GLI2: variants seen among roughly 807,000 people sequenced by gnomAD.
The protein encoded by GLI2 is transcription activator GLI2.
Under a neutral mutation model 78.9 loss-of-function variants are expected in GLI2, and 22 were observed. That is an observed-to-expected ratio of 0.28 (90% CI 0.20 to 0.40). The LOEUF (loss-of-function observed/expected upper bound fraction) is 0.40. GLI2 is among the 10% of genes least tolerant of loss of function. The pLI is 1.00. For synonymous variants in GLI2, 974 were observed against 963.7 expected (o/e 1.01, Z -0.20); for missense variants, 2,097 against 2,213.2 (o/e 0.95, Z 1.05).
Position 120,988,666 on chromosome 2 carries a change from G to T in GLI2, c.2701G>T (p.Ala901Ser). 5 of 1,387,840 alleles carry T rather than the reference G, an allele frequency of 3.6e-6. No individual in the cohort carries two copies. In the African/African-American group the frequency reaches 4.6e-5, roughly 13 times the overall value. The allele number at this position is 1,387,840 out of a possible 1,614,324, so 86.0% of individuals were successfully genotyped here. A position where few individuals can be genotyped will look rare whatever the true frequency, so the allele number is the denominator to read the frequency against. Reference sequence around the variant, plus strand: ...GCGCATGAGCCTGCGGACCAGGCTGGCGCTGCTGGACGCGCCCGAGCGCAC... The same window carrying T: ...GCGCATGAGCCTGCGGACCAGGCTGTCGCTGCTGGACGCGCCCGAGCGCAC... ...LERMSLRTRL[A>S]LLDAPERTLP... is the part of the protein sequence containing the mutation. The change falls in exon 14 of 14, where the codon GCG (alanine) becomes TCG (serine). Residue 901 changes from alanine to serine, a missense_variant. By Grantham distance (99) the Ala-to-Ser change is moderately conservative. Coordinates refer to ENST00000361492, the MANE Select transcript of GLI2 (RefSeq NM_001374353.1).
At position 120,737,189 on chromosome 2, in the gene GLI2, C is replaced by CG. The variant is rs1682391912; in HGVS notation, c.-31+909dup. On this transcript the variant is annotated intron_variant, in intron 1 of 13. Transcript: ENST00000361492. This position sits in a 1 kb window ranked among gnomAD's most constrained non-coding sequence, Gnocchi z 4.3. ...AGGGGAGTCTTTTCCCCGGACGGGGCGGGGGCGGGGAGCTGGGAGGGAGCG... is the reference window on the plus strand; with the variant it reads ...AGGGGAGTCTTTTCCCCGGACGGGGCGGGGGGCGGGGAGCTGGGAGGGAGCG... 6.6e-6 allele frequency among the ~76,000 whole-genome samples: 1 copy of CG among 151,800 alleles called. No homozygotes were observed. The highest frequency in any genetic ancestry group is 1.5e-5 in the Non-Finnish European group (1 of 67,894).
intron 1 of GLI2, among the ~76,000 whole-genome samples, chr2:120,746,404 GC>G (rs1682695116): frequency 6.6e-6 from 1 of 152,160 alleles, no homozygotes; most frequent in Non-Finnish European, 1.5e-5. Flanking sequence ...AAGCTGCCCA[GC>G]CACCTGCCCA....
chr2:120,984,246 C>G (rs112484389), intron 11 of GLI2, among the ~76,000 whole-genome samples: 5 of 152,136 alleles, frequency 3.3e-5, no homozygotes, highest in Non-Finnish European at 2.9e-5. Flanking sequence ...CCCCCGTGGC[C>G]GTGTGCTTAA....
At chr2:120,805,180 C>T (rs1254658787) in intron 2 of GLI2, among the ~76,000 whole-genome samples, 1 of 152,258 alleles carries the variant, frequency 6.6e-6, no homozygotes, top group African/African-American at 2.4e-5. Context: ...AGCCTGGCCG[C>T]CCCATTTCCC....
chr2:120,940,998 C>T (rs1290475144), intron 3 of GLI2, among the ~76,000 whole-genome samples: 1 of 152,244 alleles, frequency 6.6e-6, no homozygotes, highest in African/African-American at 2.4e-5. Context: ...ACCCCCAGCT[C>T]CCCACCATCA....
At chr2:120,797,546 C>A (rs138803676) in intron 2 of GLI2, 78 bp downstream of exon 2, 2 of 1,394,684 alleles carry the variant, frequency 1.4e-6, no homozygotes, top group South Asian at 1.2e-5. Context: ...AGAGTGGTGG[C>A]CCATGTCGTC....
intron 2 of GLI2, among the ~76,000 whole-genome samples, chr2:120,896,933 A>G (rs1187857664): frequency 1.3e-5 from 2 of 152,238 alleles, no homozygotes; most frequent in Non-Finnish European, 2.9e-5. Flanking sequence ...GGGGAAAGAA[A>G]AAAAGGGGAT....
At chr2:120,847,855 C>T (rs900081149) in intron 2 of GLI2, among the ~76,000 whole-genome samples, 4 of 152,168 alleles carry the variant, frequency 2.6e-5, no homozygotes, top group Non-Finnish European at 5.9e-5. Context: ...AGCTGGATCC[C>T]TGCCAGCCCT....
intron 1 of GLI2, among the ~76,000 whole-genome samples, chr2:120,739,398 G>A (rs969398674): frequency 6.6e-5 from 10 of 152,232 alleles, no homozygotes; most frequent in African/African-American, 2.4e-4. Flanking sequence ...CTCACACCCA[G>A]CTGGCTTGTT....
At chr2:120,856,893 G>A (rs13025517) in intron 2 of GLI2, among the ~76,000 whole-genome samples, 90,878 of 151,864 alleles carry the variant, frequency 0.6, 28,252 homozygotes, top group East Asian at 0.76. Flanking sequence ...CCTGGAGGGA[G>A]TAGCCCTCTC....
intron 3 of GLI2, among the ~76,000 whole-genome samples, chr2:120,929,720 G>A (rs1044654840): frequency 7.2e-5 from 11 of 152,098 alleles, no homozygotes; most frequent in Non-Finnish European, 1.3e-4. Context: ...GTTTTATTTC[G>A]GTGTGCATAC....
intron 2 of GLI2, among the ~76,000 whole-genome samples, chr2:120,847,418 G>A (rs764222697): frequency 3.9e-5 from 6 of 152,196 alleles, no homozygotes; most frequent in Non-Finnish European, 8.8e-5. Context: ...TTCGAGGTAT[G>A]AGAGGGACCA....
At chr2:120,981,111 C>A (rs1014699357) in intron 10 of GLI2, among the ~76,000 whole-genome samples, 1 of 152,130 alleles carries the variant, frequency 6.6e-6, no homozygotes, top group Non-Finnish European at 1.5e-5. Context: ...GAACTCCTAA[C>A]CTCAGGTGAT....
intron 9 of GLI2, 26 bp downstream of exon 9, chr2:120,975,135 G>A (rs138826853): frequency 1.6e-4 from 258 of 1,611,288 alleles, no homozygotes; most frequent in Non-Finnish European, 1.1e-4. Context: ...CCAGCAGCCC[G>A]CCAACCGGGG....
intron 2 of GLI2, among the ~76,000 whole-genome samples, chr2:120,865,844 C>T (rs537478420): frequency 1.9e-4 from 29 of 152,232 alleles, no homozygotes; most frequent in South Asian, 1.2e-3. Context: ...CTTTGCCATG[C>T]GTCCCACTCC....
intron 1 of GLI2, among the ~76,000 whole-genome samples, chr2:120,768,078 T>C (rs1480356597): frequency 6.6e-6 from 1 of 152,168 alleles, no homozygotes; most frequent in South Asian, 2.1e-4. Flanking sequence ...CTATTTTTAC[T>C]CTTGTCTGAA....
At chr2:120,834,346 G>A (rs1471986934) in intron 2 of GLI2, among the ~76,000 whole-genome samples, 1 of 152,180 alleles carries the variant, frequency 6.6e-6, no homozygotes, top group African/African-American at 2.4e-5. Context: ...AGAAGCTTAG[G>A]GTTGGCCGGT....
intron 2 of GLI2, among the ~76,000 whole-genome samples, chr2:120,809,116 A>G (rs949367541): frequency 1.3e-5 from 2 of 152,254 alleles, no homozygotes; most frequent in East Asian, 1.9e-4. Context: ...AAATGACCCA[A>G]GCATCCATCC....
chr2:120,959,740 C>T (rs1317442115), intron 5 of GLI2, among the ~76,000 whole-genome samples: 1 of 152,030 alleles, frequency 6.6e-6, no homozygotes, highest in Admixed American at 6.6e-5. Flanking sequence ...GTGCCTGCTC[C>T]ATGGGTCTGT....
Sources: allele counts gnomAD v4.1 joint callset (sites outside exome capture counted in the v4.1 genomes callset), GRCh38; gene constraint gnomAD v4.1.1; non-coding constraint Gnocchi (gnomAD v3.1); transcripts MANE v1.5; gene names NCBI Gene and HGNC (gene_info 2026-07-23, HGNC 2026-07-21).